The following XKR6 variants were observed in gnomAD, a reference collection of about 807,000 sequenced individuals.
The protein encoded by XKR6 is XK-related protein 6.
Under a neutral mutation model 56.7 loss-of-function variants are expected in XKR6, and 22 were observed. The observed-to-expected ratio is 0.39, with a 90% CI of 0.28 to 0.55. XKR6 has a LOEUF of 0.55. Ranked by LOEUF, XKR6 falls within the 20% of genes least tolerant of loss-of-function variation. The pLI, the probability that XKR6 is intolerant of heterozygous loss-of-function variation, is 0.66. For missense variants in XKR6, 852 were observed against 889.0 expected (o/e 0.96, Z 0.53); for synonymous variants, 524 against 387.8 (o/e 1.35, Z -4.13).
intron 1 of XKR6, among the ~76,000 whole-genome samples, chr8:10,971,606 C>T (rs924811468): frequency 3.9e-5 from 6 of 152,078 alleles, no homozygotes; most frequent in African/African-American, 1.4e-4. Context: ...AGAAGTTGAG[C>T]AACTTACCTG....
chr8:10,970,805 T>TA (rs34166964), intron 1 of XKR6, among the ~76,000 whole-genome samples: 13,063 of 133,004 alleles, frequency 0.098, 1,220 homozygotes, highest in African/African-American at 0.26. Context: ...AAAGGATCCT[T>TA]AAAAAAAAAA....
At chr8:10,984,695 G>GCTCGCTCT (rs1491394669) in intron 1 of XKR6, among the ~76,000 whole-genome samples, 2 of 56,334 alleles carry the variant, frequency 3.6e-5, no homozygotes, top group Non-Finnish European at 7.3e-5. Context: ...AAAATACATG[G>GCTCGCTCT]CTCTCTCTCT....
chr8:11,192,886 G>C (rs1476477538), intron 1 of XKR6, among the ~76,000 whole-genome samples: 1 of 152,090 alleles, frequency 6.6e-6, no homozygotes, highest in Admixed American at 6.5e-5. Flanking sequence ...CCTCTGGAGG[G>C]GCCTGAGTTC....
chr8:11,110,449 T>C (rs1367093918), intron 1 of XKR6, among the ~76,000 whole-genome samples: 2 of 152,184 alleles, frequency 1.3e-5, no homozygotes, highest in Non-Finnish European at 2.9e-5. Context: ...GTTTCGGAAA[T>C]ACTGGATAAT....
chr8:11,031,168 A>G (rs1225454865), intron 1 of XKR6, among the ~76,000 whole-genome samples: 1 of 152,186 alleles, frequency 6.6e-6, no homozygotes, highest in African/African-American at 2.4e-5. Flanking sequence ...AAGCTGGGCC[A>G]ATCAGAATCT....
intron 1 of XKR6, among the ~76,000 whole-genome samples, chr8:11,058,231 T>C (rs933952540): frequency 6.6e-6 from 1 of 152,122 alleles, no homozygotes; most frequent in Non-Finnish European, 1.5e-5. Flanking sequence ...TTTTTTCTCA[T>C]TTTGAAAGGA....
intron 1 of XKR6, chr8:11,138,715 T>C (rs1432449634): frequency 6.6e-6 from 1 of 152,196 alleles, no homozygotes; most frequent in Non-Finnish European, 1.5e-5. Flanking sequence ...CCAAGAGGTC[T>C]TCAGGTTGAT....
chr8:10,952,152 C>A (rs964993026), intron 1 of XKR6, among the ~76,000 whole-genome samples: 9 of 152,172 alleles, frequency 5.9e-5, no homozygotes, highest in African/African-American at 1.9e-4. Flanking sequence ...AGGCCTCAGC[C>A]CACCTGCCTC....
At chr8:11,047,692 T>C (rs978129117) in intron 1 of XKR6, among the ~76,000 whole-genome samples, 1 of 152,190 alleles carries the variant, frequency 6.6e-6, no homozygotes, top group African/African-American at 2.4e-5. Context: ...GTTCTGGCGA[T>C]GGATAGTGGT....
intron 2 of XKR6, among the ~76,000 whole-genome samples, chr8:10,907,749 A>G (rs1473720658): frequency 2.6e-5 from 4 of 152,236 alleles, no homozygotes; most frequent in African/African-American, 9.6e-5. Flanking sequence ...TTTGGTTAAC[A>G]TATGTCAGCC....
intron 1 of XKR6, among the ~76,000 whole-genome samples, chr8:11,016,481 G>A (rs1291636116): frequency 6.6e-6 from 1 of 152,210 alleles, no homozygotes; most frequent in Non-Finnish European, 1.5e-5. Flanking sequence ...GCTAGATCCT[G>A]AGCCCTCTGC....
chr8:11,179,617 C>A (rs1386354384), intron 1 of XKR6, among the ~76,000 whole-genome samples: 1 of 152,184 alleles, frequency 6.6e-6, no homozygotes, highest in Non-Finnish European at 1.5e-5. Flanking sequence ...CAGGTTTCAT[C>A]AGGGGACTCC....
At chr8:11,146,533 T>C (rs894984229) in intron 1 of XKR6, among the ~76,000 whole-genome samples, 1 of 151,508 alleles carries the variant, frequency 6.6e-6, no homozygotes, top group Admixed American at 6.6e-5. Context: ...GAAAGCTGAG[T>C]TGGGGGGATC....
At chr8:11,019,377 G>C (rs117528267) in intron 1 of XKR6, among the ~76,000 whole-genome samples, 1,746 of 152,362 alleles carry the variant, frequency 0.011, 14 homozygotes, top group Middle Eastern at 0.027. Flanking sequence ...CACAAGAACA[G>C]GGGAGCTGAA....
At chr8:10,909,414 C>T (rs2129109658) in intron 2 of XKR6, among the ~76,000 whole-genome samples, 1 of 152,222 alleles carries the variant, frequency 6.6e-6, no homozygotes, top group East Asian at 1.9e-4. Flanking sequence ...TGCTTTTTTT[C>T]CACCATAGCA....
chr8:10,967,274 G>A (rs1315271781), intron 1 of XKR6, among the ~76,000 whole-genome samples: 1 of 152,158 alleles, frequency 6.6e-6, no homozygotes. Context: ...CCCTCCTATG[G>A]CAACTGTGGG....
intron 1 of XKR6, among the ~76,000 whole-genome samples, chr8:11,182,450 A>C (rs542457501): frequency 2.6e-5 from 4 of 152,322 alleles, no homozygotes; most frequent in African/African-American, 9.6e-5. Flanking sequence ...AAGTGCAAGT[A>C]ATCAGTTTTA....
intron 1 of XKR6, among the ~76,000 whole-genome samples, chr8:10,987,104 T>C (rs780147089): frequency 3.9e-5 from 6 of 152,208 alleles, no homozygotes; most frequent in Non-Finnish European, 7.3e-5. Flanking sequence ...GCCAAGTGCA[T>C]GATATGTAGT....
chr8:11,075,302 C>T (rs535450337), intron 1 of XKR6, among the ~76,000 whole-genome samples: 57 of 152,302 alleles, frequency 3.7e-4, no homozygotes, highest in African/African-American at 1.4e-3. Context: ...GGACTTTGCT[C>T]ACTCTGCCCT....
Sources: gnomAD v4.1 joint callset for allele counts (sites outside exome capture counted in the v4.1 genomes callset) on GRCh38, gnomAD v4.1.1 for gene constraint, MANE v1.5 for transcripts, NCBI Gene and HGNC (gene_info 2026-07-23, HGNC 2026-07-21) for gene names.